The following CEP95 variants were observed in gnomAD, a reference collection of about 807,000 sequenced individuals.
CEP95 encodes the protein centrosomal protein of 95 kDa.
A neutral mutation model predicts 111.2 loss-of-function variants in CEP95; 98 were observed. The observed-to-expected ratio is 0.88, with a 90% CI of 0.75 to 1.04. The LOEUF is 1.04. Among genes scored for constraint, CEP95 ranks in the 50% least tolerant of loss-of-function variants. The probability of loss-of-function intolerance (pLI) is 0.00; values close to 1 mark genes in which losing one functional copy is unlikely to be tolerated. For missense variants in CEP95, 1,027 were observed against 977.2 expected (o/e 1.05, Z -0.68); for synonymous variants, 323 against 327.1 (o/e 0.99, Z 0.14).
intron 7 of CEP95, among the ~76,000 whole-genome samples, chr17:64,521,758 CT>C (rs569926654): frequency 8.9e-5 from 13 of 145,804 alleles, no homozygotes; most frequent in Admixed American, 2.7e-4. Context: ...CACCACTTAC[CT>C]TTTTTTTTTA....
intron 16 of CEP95, chr17:64,534,324 T>C: frequency 2.8e-6 from 1 of 355,192 alleles, no homozygotes. Context: ...AGCTTCCTGG[T>C]GGCATGGGGA....
chr17:64,521,859 C>A (rs1235211569), intron 7 of CEP95, among the ~76,000 whole-genome samples: 2 of 151,678 alleles, frequency 1.3e-5, no homozygotes, highest in African/African-American at 4.8e-5. Flanking sequence ...GAAAAACATT[C>A]TTTTTTTATT....
At chr17:64,511,006 C>G (rs974764754) in intron 3 of CEP95, among the ~76,000 whole-genome samples, 1 of 152,116 alleles carries the variant, frequency 6.6e-6, no homozygotes, top group Non-Finnish European at 1.5e-5. Flanking sequence ...CGTGATGCCC[C>G]ACAAGCTGCA....
At chr17:64,524,843 T>C (rs367963910) in intron 8 of CEP95, among the ~76,000 whole-genome samples, 125 of 151,162 alleles carry the variant, frequency 8.3e-4, no homozygotes, top group African/African-American at 2.9e-3. Context: ...CGGTGGCAGG[T>C]GCCTGTAATC....
chr17:64,513,710 G>A (rs897296992), intron 3 of CEP95, among the ~76,000 whole-genome samples: 1 of 152,070 alleles, frequency 6.6e-6, no homozygotes, highest in Non-Finnish European at 1.5e-5. Context: ...CAAATATGGG[G>A]GGTTATGGTG....
At chr17:64,523,252 T>A (rs1329223907) in intron 8 of CEP95, among the ~76,000 whole-genome samples, 3 of 152,206 alleles carry the variant, frequency 2.0e-5, no homozygotes, top group Non-Finnish European at 4.4e-5. Context: ...AATAATTTAC[T>A]GCCCATAACA....
intron 7 of CEP95, 34 bp from the exon 8 acceptor site, chr17:64,522,668 G>C: frequency 6.6e-7 from 1 of 1,504,760 alleles, no homozygotes. Flanking sequence ...TCTTAGAATT[G>C]CATCGTAATA....
At chr17:64,525,934 A>G in intron 9 of CEP95, 52 bp downstream of exon 9, 2 of 1,483,598 alleles carry the variant, frequency 1.3e-6, no homozygotes, top group Admixed American at 2.3e-5. Flanking sequence ...AAGGAATTTG[A>G]AAATGCAGGG....
At chr17:64,512,108 T>G (rs1223598798) in intron 3 of CEP95, among the ~76,000 whole-genome samples, 8 of 152,214 alleles carry the variant, frequency 5.3e-5, no homozygotes, top group African/African-American at 1.9e-4. Context: ...TGCACAATGT[T>G]CCGTGTTGGG....
chr17:64,514,421 A>G (rs1218511535), intron 4 of CEP95, 63 bp downstream of exon 4: 1 of 738,772 alleles, frequency 1.4e-6, no homozygotes, highest in Non-Finnish European at 2.4e-6. Context: ...TTTGCCTTTT[A>G]TCTTTTTGTG....
intron 17 of CEP95, chr17:64,535,542 A>G (rs1307048115): frequency 6.6e-6 from 1 of 152,224 alleles, no homozygotes; most frequent in Non-Finnish European, 1.5e-5. Context: ...TCTGTGATAC[A>G]TGAAAAGATA....
chr17:64,532,359 C>T (rs1968339231), intron 14 of CEP95: 2 of 1,089,030 alleles, frequency 1.8e-6, no homozygotes. Context: ...CCAAGGCAAG[C>T]AGATGGCCTG....
At chr17:64,516,940 T>G (rs1166846332) in intron 5 of CEP95, 112 bp downstream of exon 5, 1 of 586,190 alleles carries the variant, frequency 1.7e-6, no homozygotes, top group Non-Finnish European at 3.0e-6. Context: ...ATGTGAAACT[T>G]CTACTAACTT....
chr17:64,531,699 G>A (rs7223842), intron 13 of CEP95, among the ~76,000 whole-genome samples, 191 bp from the exon 14 acceptor site: 30,515 of 152,026 alleles, frequency 0.2, 6,619 homozygotes, highest in African/African-American at 0.54. Flanking sequence ...AGGCCAAAAG[G>A]TGCATTTAAC....
At chr17:64,514,467 G>A (rs1555675944) in intron 4 of CEP95, 109 bp downstream of exon 4, 1 of 591,160 alleles carries the variant, frequency 1.7e-6, no homozygotes, top group Non-Finnish European at 3.1e-6. Context: ...CACTAATACA[G>A]TATACCTGAT....
rs782125412 is a variant in CEP95 at position 64,536,602 on chromosome 17, A to G, written c.2071A>G (p.Ile691Val). Residue 691 changes from isoleucine to valine, a missense_variant and splice_region_variant, in exon 18 of 20, where the codon ATA becomes GTA. Transcript: ENST00000556440. The part of the protein sequence containing the change: ...MMRMRTREEM[I>V]FKKLFEEGLN... ...ATTTTTACGATTAAATAACTGACAG[A>G]TATTTAAGAAACTGTTTGAAGAAGG... The G allele has an allele frequency of 1.3e-6, 2 of 1,586,582 alleles. No individual in the cohort carries two copies. Among genetic ancestry groups the G allele is most frequent in the South Asian group, 1.2e-5 (1 of 86,308 alleles).
chr17:64,524,699 G>A (rs539405325), intron 8 of CEP95, among the ~76,000 whole-genome samples: 26 of 152,282 alleles, frequency 1.7e-4, no homozygotes, highest in Non-Finnish European at 3.4e-4. Flanking sequence ...ATGGCCGGGT[G>A]CGGTGGCTCA....
Position 64,521,403 on chromosome 17 carries a change from T to C in CEP95, c.591T>C (p.Gly197=). ...TACCTTTAATATTTTCTTTCCTAGG[T>C]GCTCAATGTCCTAATGAAATGCTGT... The part of the protein sequence containing the change: ...TAHTFSLRSN[G]AQCPNEMLSK... Residue 197 remains glycine, a splice_region_variant and synonymous_variant, in exon 7 of 20, where the codon GGT becomes GGC. Transcript: ENST00000556440. The C allele has an allele frequency of 1.2e-6, 2 of 1,605,840 alleles. No individual in the cohort carries two copies. The highest frequency in any genetic ancestry group is 1.7e-6 in the Non-Finnish European group (2 of 1,175,292).
rs782571650 is a variant in CEP95 at position 64,531,014 on chromosome 17, A to ATC, written c.1535_1536insTC (p.Glu512AspfsTer35). 1.3e-6 allele frequency: 2 copies of ATC among 1,528,784 alleles called. No individual in the cohort carries two copies. Among genetic ancestry groups the ATC allele is most frequent in the Non-Finnish European group, 1.8e-6 (2 of 1,126,920 alleles). 94.7% of individuals were successfully genotyped at this position (1,528,784 alleles called of 1,614,324 possible). A position where few individuals can be genotyped will look rare whatever the true frequency, so the allele number is the denominator to read the frequency against. On this transcript the variant is annotated frameshift_variant, in exon 13 of 20. Transcript: ENST00000556440. LOFTEE classifies it high-confidence loss of function. ...CTAAGAATACATGAGAAGGAGGAGG[A>ATC]AACAGTGGGTAAAAGTCTCCACTGT...
Sources: allele counts gnomAD v4.1 joint callset (sites outside exome capture counted in the v4.1 genomes callset), GRCh38; gene constraint gnomAD v4.1.1; transcripts MANE v1.5; gene names NCBI Gene and HGNC (gene_info 2026-07-23, HGNC 2026-07-21).